STIM1: variants seen among roughly 807,000 people sequenced by gnomAD.
The protein encoded by STIM1 is stromal interaction molecule 1.
Under a neutral mutation model 74.7 loss-of-function variants are expected in STIM1, and 25 were observed. That is an observed-to-expected ratio of 0.33 (90% CI 0.24 to 0.47). STIM1 has a LOEUF of 0.47. Ranked by LOEUF, STIM1 falls within the 20% of genes least tolerant of loss-of-function variation. STIM1 has a pLI of 1.00. For missense variants in STIM1, 728 were observed against 920.8 expected (o/e 0.79, Z 2.71); for synonymous variants, 328 against 348.8 (o/e 0.94, Z 0.66).
chr11:3,873,002 G>A (rs1457071064), intron 1 of STIM1, among the ~76,000 whole-genome samples: 2 of 150,640 alleles, frequency 1.3e-5, no homozygotes, highest in Non-Finnish European at 2.9e-5. Context: ...AGGCAGGAGT[G>A]CAGTGGCATG....
At chr11:3,942,265 A>C (rs370548091) in intron 1 of STIM1, among the ~76,000 whole-genome samples, 13 of 152,316 alleles carry the variant, frequency 8.5e-5, no homozygotes, top group African/African-American at 2.9e-4. Context: ...GCAGAGAAGC[A>C]CTAATGGCCA....
intron 2 of STIM1, among the ~76,000 whole-genome samples, chr11:3,983,700 A>G (rs1292572764): frequency 6.6e-6 from 1 of 152,132 alleles, no homozygotes; most frequent in African/African-American, 2.4e-5. Flanking sequence ...TGGCTGCTAT[A>G]TCACTCCCAG....
chr11:3,971,228 T>C (rs193191390), intron 2 of STIM1, among the ~76,000 whole-genome samples: 18 of 130,770 alleles, frequency 1.4e-4, no homozygotes, highest in Admixed American at 9.1e-4. Context: ...AATAAACAAG[T>C]ATGAAAAAAA....
intron 2 of STIM1, among the ~76,000 whole-genome samples, chr11:4,014,090 A>G (rs1590648578): frequency 6.6e-6 from 1 of 152,024 alleles, no homozygotes; most frequent in East Asian, 1.9e-4. Context: ...GTCTTCTGCT[A>G]GCTCTTGAAT....
intron 3 of STIM1, among the ~76,000 whole-genome samples, chr11:4,048,624 G>T (rs2094212667): frequency 6.6e-6 from 1 of 152,186 alleles, no homozygotes; most frequent in African/African-American, 2.4e-5. Context: ...CTTGTGTATT[G>T]TGTATTAAGT....
intron 5 of STIM1, among the ~76,000 whole-genome samples, chr11:4,059,924 T>C (rs902217115): frequency 5.3e-5 from 8 of 152,226 alleles, no homozygotes; most frequent in Non-Finnish European, 1.0e-4. Flanking sequence ...TTTTTACCTG[T>C]TACCTACTTC....
chr11:3,905,493 T>C (rs541192856), intron 1 of STIM1, among the ~76,000 whole-genome samples: 56 of 152,000 alleles, frequency 3.7e-4, no homozygotes, highest in African/African-American at 1.1e-3. Context: ...CTTCATACTA[T>C]TGTGGGAGTC....
At chr11:3,973,524 C>T (rs143885602) in intron 2 of STIM1, 6,864 of 215,072 alleles carry the variant, frequency 0.032, 445 homozygotes, top group African/African-American at 0.14. Context: ...CTCAGCCTCC[C>T]GAGTAGCTGG....
At position 4,092,770 on chromosome 11, in the gene STIM1, G is replaced by A. The variant is rs2094531569; in HGVS notation, c.*972G>A. ...AACCAAAAGACAAACAGGTTAAAAG[G>A]AAAAAAAGTAATCTGAATTTCCCAA... is the stretch of plus-strand genomic sequence containing the variant. On this transcript the variant is annotated 3_prime_UTR_variant, in exon 13 of 13. Transcript: ENST00000526596. 1 of 152,122 alleles carries A rather than the reference G, an allele frequency of 6.6e-6. No homozygotes were observed. The highest frequency in any genetic ancestry group is 2.4e-5 in the African/African-American group (1 of 41,422). 9.4% of individuals were successfully genotyped at this position (152,122 alleles called of 1,614,324 possible). A position where few individuals can be genotyped will look rare whatever the true frequency, so the allele number is the denominator to read the frequency against.
At chr11:4,041,179 C>G (rs918879152) in intron 3 of STIM1, among the ~76,000 whole-genome samples, 1 of 152,186 alleles carries the variant, frequency 6.6e-6, no homozygotes, top group Non-Finnish European at 1.5e-5. Context: ...GTCAGTCACT[C>G]CTTTCTCTGT....
Position 4,091,480 on chromosome 11 carries a change from G to T in STIM1, c.1833G>T (p.Lys611Asn). ...TGCCTGACAGCCCTGCCCTGGCCAAGAAGGCATTACTGGCGCTGAACCATG... is the reference window on the plus strand; with the variant it reads ...TGCCTGACAGCCCTGCCCTGGCCAATAAGGCATTACTGGCGCTGAACCATG... The part of the protein sequence containing the change: ...EKLPDSPALA[K>N]KALLALNHGL... The change falls in exon 13 of 13, where the codon AAG becomes AAT. Residue 611 changes from lysine to asparagine, a missense_variant. Physicochemically the swap from Lys to Asn is moderately conservative, Grantham distance 94. Transcript: ENST00000526596. 1 of 1,614,214 alleles carries T rather than the reference G, an allele frequency of 6.2e-7. No individual in the cohort carries two copies. Among genetic ancestry groups the T allele is most frequent in the Non-Finnish European group, 8.5e-7 (1 of 1,180,030 alleles).
intron 3 of STIM1, among the ~76,000 whole-genome samples, chr11:4,041,573 T>C (rs963998): frequency 0.25 from 38,578 of 151,876 alleles, 6,118 homozygotes; most frequent in South Asian, 0.46. Flanking sequence ...GATTGCAAAT[T>C]CAAATCAAGA....
intron 1 of STIM1, among the ~76,000 whole-genome samples, chr11:3,876,282 G>T (rs1775377241): frequency 1.3e-5 from 2 of 152,166 alleles, no homozygotes. Context: ...GAAGAAGGAT[G>T]CAAAATTAAT....
intron 2 of STIM1, among the ~76,000 whole-genome samples, chr11:3,987,851 T>A (rs939787022): frequency 2.3e-4 from 35 of 151,740 alleles, no homozygotes; most frequent in African/African-American, 7.3e-4. Flanking sequence ...ACAGTGTGTA[T>A]ATATATTTTG....
intron 7 of STIM1, among the ~76,000 whole-genome samples, chr11:4,075,958 T>G (rs527363480): frequency 6.6e-6 from 1 of 152,300 alleles, no homozygotes; most frequent in African/African-American, 2.4e-5. Context: ...TTTTATAAAT[T>G]TATTGGCCAT....
chr11:4,065,072 A>G (rs2094356518), intron 5 of STIM1, among the ~76,000 whole-genome samples: 1 of 152,152 alleles, frequency 6.6e-6, no homozygotes, highest in Non-Finnish European at 1.5e-5. Flanking sequence ...GGTAGCTACT[A>G]TTTTTAATTT....
At chr11:4,060,249 G>A (rs894456) in intron 5 of STIM1, among the ~76,000 whole-genome samples, 6,725 of 152,206 alleles carry the variant, frequency 0.044, 471 homozygotes, top group African/African-American at 0.15. Context: ...GAGATTTCTT[G>A]GAAAACTATT....
At chr11:3,901,818 C>G (rs550849952) in intron 1 of STIM1, among the ~76,000 whole-genome samples, 3 of 152,334 alleles carry the variant, frequency 2.0e-5, no homozygotes, top group Middle Eastern at 6.8e-3. Flanking sequence ...TACACTCCAG[C>G]AGTGCAGCCA....
intron 1 of STIM1, among the ~76,000 whole-genome samples, chr11:3,952,757 G>T (rs1179231206): frequency 6.6e-6 from 1 of 152,206 alleles, no homozygotes; most frequent in Non-Finnish European, 1.5e-5. Flanking sequence ...GTTGAAATGG[G>T]TATTCCAGCA....
Sources: allele counts gnomAD v4.1 joint callset (sites outside exome capture counted in the v4.1 genomes callset), GRCh38; gene constraint gnomAD v4.1.1; transcripts MANE v1.5; gene names NCBI Gene and HGNC (gene_info 2026-07-23, HGNC 2026-07-21).